KAZN: variants seen among roughly 807,000 people sequenced by gnomAD.
The protein encoded by KAZN is kazrin.
In KAZN, 40 loss-of-function variants were observed where a neutral mutation model predicts 87.4. The ratio of observed to expected loss-of-function variants is 0.46; its 90% CI spans 0.36 to 0.60. The LOEUF (loss-of-function observed/expected upper bound fraction) is 0.60, where lower values mean the gene tolerates loss of function less well. KAZN is among the 20% of genes least tolerant of loss of function. The pLI is 0.00. For synonymous variants in KAZN, 466 were observed against 458.3 expected (o/e 1.02, Z -0.22); for missense variants, 898 against 1,073.9 (o/e 0.84, Z 2.29).
chr1:14,931,598 C>T lies in KAZN; in HGVS notation c.227-29086C>T, dbSNP rs190318409. On this transcript the variant is annotated intron_variant, in intron 1 of 14. Transcript: ENST00000376030. ...TGGGGTGCTTGCTAAGGTATAGATT[C>T]TCAGGCTCCCCTCCTCCCCCGCCAG... 4.6e-5 allele frequency among the ~76,000 whole-genome samples: 7 copies of T among 152,284 alleles called. No individual in the cohort carries two copies. In the East Asian group the frequency reaches 1.4e-3, roughly 29 times the overall value.
chr1:14,456,452 C>T (rs753954929), intron 2 of KAZN, among the ~76,000 whole-genome samples: 4 of 151,798 alleles, frequency 2.6e-5, no homozygotes, highest in Non-Finnish European at 5.9e-5. Context: ...TATTTGTAGA[C>T]GTTTATACCT....
intron 1 of KAZN, among the ~76,000 whole-genome samples, chr1:14,809,982 C>G (rs771439785): frequency 3.9e-5 from 6 of 152,142 alleles, no homozygotes; most frequent in Non-Finnish European, 8.8e-5. Flanking sequence ...GCTGGATACT[C>G]TTTGTTTTCG....
chr1:14,959,103 G>A (rs891847637), intron 1 of KAZN, among the ~76,000 whole-genome samples: 10 of 152,226 alleles, frequency 6.6e-5, no homozygotes, highest in Admixed American at 1.3e-4. Flanking sequence ...GAAGGAGGCC[G>A]GGGTGCAGGG....
At chr1:14,819,026 G>A (rs1646658359) in intron 1 of KAZN, among the ~76,000 whole-genome samples, 1 of 152,200 alleles carries the variant, frequency 6.6e-6, no homozygotes. Flanking sequence ...TTGCACTCCA[G>A]CCTGGGCAAC....
rs749981138 is a variant in KAZN, at chr1:14,055,199, A to T, written c.92-125236A>T. Among the ~76,000 whole-genome samples, 5 of 152,342 alleles carry T rather than the reference A, an allele frequency of 3.3e-5. No homozygotes were observed. The South Asian group carries it at 1.0e-3, about 32-fold the overall frequency. Reference sequence around the variant, plus strand: ...GTGTCTCTGTTTCCTTATCTATAAAATAGGGACAAAATTAGACCTATTTCA... The same window carrying T: ...GTGTCTCTGTTTCCTTATCTATAAATTAGGGACAAAATTAGACCTATTTCA... On this transcript the variant is annotated intron_variant, in intron 1 of 16. Coordinates refer to the KAZN transcript ENST00000636203.
chr1:14,135,328 A>T (rs1418046805), intron 1 of KAZN, among the ~76,000 whole-genome samples: 2 of 152,186 alleles, frequency 1.3e-5, no homozygotes, highest in Non-Finnish European at 2.9e-5. Flanking sequence ...AATGACACAG[A>T]TTTAAAGTCA....
At chr1:14,708,697 A>C (rs1642338412) in intron 1 of KAZN, among the ~76,000 whole-genome samples, 1 of 152,220 alleles carries the variant, frequency 6.6e-6, no homozygotes, top group Non-Finnish European at 1.5e-5. Flanking sequence ...CCTGAGTAGC[A>C]CAATGCAATC....
chr1:14,564,435 GCATCTT>G (rs983256282), intron 2 of KAZN, among the ~76,000 whole-genome samples: 3 of 152,098 alleles, frequency 2.0e-5, no homozygotes, highest in Non-Finnish European at 4.4e-5. Flanking sequence ...CCATGTCTCT[GCATCTT>G]CATCTTGAAT....
At chr1:14,891,701 T>C (rs1247208100) in intron 1 of KAZN, among the ~76,000 whole-genome samples, 2 of 152,244 alleles carry the variant, frequency 1.3e-5, no homozygotes, top group Non-Finnish European at 2.9e-5. Flanking sequence ...TATGTCATTA[T>C]GTTTCTTTAG....
chr1:14,667,131 C>G (rs921295532), intron 1 of KAZN, among the ~76,000 whole-genome samples: 5 of 152,172 alleles, frequency 3.3e-5, no homozygotes, highest in African/African-American at 1.2e-4. Context: ...TTCTGAGATT[C>G]CAGATGGATG....
intron 2 of KAZN, among the ~76,000 whole-genome samples, chr1:14,275,444 CTGTGTGTGTGTG>C (rs60684981): frequency 5.6e-4 from 77 of 136,966 alleles, no homozygotes; most frequent in East Asian, 1.8e-3. Context: ...GTGGTAAATA[CTGTGTGTGTGTG>C]TGTGTGTGTG....
intron 2 of KAZN, among the ~76,000 whole-genome samples, chr1:14,233,916 T>G (rs1029800678): frequency 1.3e-5 from 2 of 152,190 alleles, no homozygotes; most frequent in Admixed American, 1.3e-4. Context: ...CTGGAGGGGA[T>G]GTAGAGAAAT....
At chr1:14,248,849 G>A (rs1376107690) in intron 2 of KAZN, among the ~76,000 whole-genome samples, 2 of 152,166 alleles carry the variant, frequency 1.3e-5, no homozygotes, top group African/African-American at 2.4e-5. Flanking sequence ...CAGCTTCTAC[G>A]TTGTTCATGG....
chr1:14,950,598 C>T (rs1039803080), intron 1 of KAZN, among the ~76,000 whole-genome samples: 1 of 152,136 alleles, frequency 6.6e-6, no homozygotes, highest in Non-Finnish European at 1.5e-5. Flanking sequence ...TAGGACGCTG[C>T]GAGCTGAGTT....
intron 1 of KAZN, among the ~76,000 whole-genome samples, chr1:14,956,255 C>G (rs60562141): frequency 7.1e-6 from 1 of 141,714 alleles, no homozygotes; most frequent in Non-Finnish European, 1.5e-5. Context: ...AGTAAACAAT[C>G]TTGGTGGCTT....
intron 1 of KAZN, among the ~76,000 whole-genome samples, chr1:14,645,059 G>A (rs1448960752): frequency 1.3e-5 from 2 of 152,098 alleles, no homozygotes; most frequent in African/African-American, 4.8e-5. Flanking sequence ...TATTGAATCG[G>A]GAGTCTTTTC....
intron 6 of KAZN, 99 bp downstream of exon 6, chr1:15,060,401 T>C (rs1400507080): frequency 1.3e-6 from 2 of 1,493,054 alleles, no homozygotes; most frequent in African/African-American, 1.4e-5. Flanking sequence ...TTTCCTCTCG[T>C]CCACCCAGGG....
At chr1:14,918,710 ATATATATATATATATAT>A (rs1658168720) in intron 1 of KAZN, among the ~76,000 whole-genome samples, 1 of 3,812 alleles carries the variant, frequency 2.6e-4, no homozygotes. Context: ...AAAAAAAAAT[ATATATATATATATATAT>A]ATATATATAT....
chr1:13,951,772 A>G (rs1641354001), intron 1 of KAZN, among the ~76,000 whole-genome samples: 1 of 152,142 alleles, frequency 6.6e-6, no homozygotes, highest in Non-Finnish European at 1.5e-5. Flanking sequence ...CTCTAAGTCC[A>G]GGCAAGCCAT....
Sources: allele counts gnomAD v4.1 joint callset (sites outside exome capture counted in the v4.1 genomes callset), GRCh38; gene constraint gnomAD v4.1.1; transcripts MANE v1.5; gene names NCBI Gene and HGNC (gene_info 2026-07-23, HGNC 2026-07-21).